CERS6: variants seen among roughly 807,000 people sequenced by gnomAD.
CERS6 encodes LAG1 homolog, ceramide synthase 6.
A neutral mutation model predicts 56.8 loss-of-function variants in CERS6; 26 were observed. The ratio of observed to expected loss-of-function variants is 0.46; its 90% confidence interval spans 0.34 to 0.63. The LOEUF (loss-of-function observed/expected upper bound fraction) is 0.63, where lower values mean the gene tolerates loss of function less well. Among genes scored for constraint, CERS6 ranks in the 30% least tolerant of loss-of-function variants. CERS6 has a pLI of 0.01. For synonymous variants in CERS6, 164 were observed against 173.3 expected (o/e 0.95, Z 0.42); for missense variants, 415 against 467.5 (o/e 0.89, Z 1.04).
At chr2:168,646,693 C>A (rs1483613809) in intron 4 of CERS6, among the ~76,000 whole-genome samples, 1 of 152,190 alleles carries the variant, frequency 6.6e-6, no homozygotes, top group Non-Finnish European at 1.5e-5. Flanking sequence ...AGTCTTTAAT[C>A]TATCTTGAGT....
intron 3 of CERS6, among the ~76,000 whole-genome samples, chr2:168,561,978 A>T (rs1199551976): frequency 6.6e-6 from 1 of 152,188 alleles, no homozygotes; most frequent in Non-Finnish European, 1.5e-5. Flanking sequence ...AAAACCAGAG[A>T]AAAATACATT....
At chr2:168,636,144 A>G (rs1053448451) in intron 4 of CERS6, among the ~76,000 whole-genome samples, 2 of 152,152 alleles carry the variant, frequency 1.3e-5, no homozygotes, top group South Asian at 2.1e-4. Context: ...CACATGATAT[A>G]TAATACTAAC....
chr2:168,457,252 C>T (rs1693687678), intron 1 of CERS6, among the ~76,000 whole-genome samples: 1 of 152,190 alleles, frequency 6.6e-6, no homozygotes, highest in South Asian at 2.1e-4. Flanking sequence ...TTAGCGGTTT[C>T]TTTAAAAGAG....
At chr2:168,630,592 A>C (rs983543003) in intron 3 of CERS6, among the ~76,000 whole-genome samples, 1 of 152,174 alleles carries the variant, frequency 6.6e-6, no homozygotes, top group Non-Finnish European at 1.5e-5. Context: ...CTTTTAAAAC[A>C]AATATGAACT....
intron 3 of CERS6, among the ~76,000 whole-genome samples, chr2:168,607,632 G>A (rs1336325100): frequency 1.3e-5 from 2 of 152,062 alleles, no homozygotes; most frequent in Non-Finnish European, 2.9e-5. Context: ...CGCCTGCCTC[G>A]GCCTTCCAAA....
chr2:168,759,732 G>T (rs1057150524), intron 8 of CERS6, among the ~76,000 whole-genome samples: 2 of 151,984 alleles, frequency 1.3e-5, no homozygotes, highest in African/African-American at 2.4e-5. Context: ...TATGTGTGTG[G>T]GGGATAAACA....
chr2:168,754,465 A>G (rs1397814431), intron 8 of CERS6, among the ~76,000 whole-genome samples: 1 of 152,204 alleles, frequency 6.6e-6, no homozygotes, highest in African/African-American at 2.4e-5. Flanking sequence ...AAGTCTCACA[A>G]CCAGGCCTGC....
At chr2:168,496,272 C>A (rs1051648122) in intron 1 of CERS6, among the ~76,000 whole-genome samples, 1 of 151,962 alleles carries the variant, frequency 6.6e-6, no homozygotes, top group African/African-American at 2.4e-5. Flanking sequence ...CATTTGATAC[C>A]TGTACAATGA....
At chr2:168,664,141 C>T (rs1004952236) in intron 4 of CERS6, among the ~76,000 whole-genome samples, 3 of 152,210 alleles carry the variant, frequency 2.0e-5, no homozygotes, top group Admixed American at 2.0e-4. Flanking sequence ...GCACACTCAG[C>T]TGCCAACTCG....
At chr2:168,743,369 T>C (rs1293570422) in intron 8 of CERS6, among the ~76,000 whole-genome samples, 2 of 152,124 alleles carry the variant, frequency 1.3e-5, no homozygotes, top group Admixed American at 6.5e-5. Flanking sequence ...GGCGCAGTGC[T>C]CACGCCTGTA....
At chr2:168,554,426 A>G (rs1035158053) in intron 2 of CERS6, among the ~76,000 whole-genome samples, 1 of 152,160 alleles carries the variant, frequency 6.6e-6, no homozygotes, top group Non-Finnish European at 1.5e-5. Flanking sequence ...TCAAAATGGG[A>G]TTATTATGGT....
intron 2 of CERS6, among the ~76,000 whole-genome samples, chr2:168,553,733 G>A (rs920317114): frequency 3.9e-5 from 6 of 152,154 alleles, no homozygotes; most frequent in Non-Finnish European, 5.9e-5. Context: ...TGGAATGTTT[G>A]TAAGTTTTGA....
At chr2:168,504,448 C>T (rs1367614538) in intron 1 of CERS6, among the ~76,000 whole-genome samples, 2 of 151,968 alleles carry the variant, frequency 1.3e-5, no homozygotes, top group African/African-American at 4.8e-5. Flanking sequence ...CTTAAATCAG[C>T]TTGTAAAATG....
At chr2:168,477,424 C>T (rs1387726736) in intron 1 of CERS6, among the ~76,000 whole-genome samples, 1 of 152,160 alleles carries the variant, frequency 6.6e-6, no homozygotes, top group Non-Finnish European at 1.5e-5. Context: ...TTTTCACTTA[C>T]TATATCTTGA....
intron 3 of CERS6, among the ~76,000 whole-genome samples, chr2:168,608,150 G>A (rs1684098808): frequency 6.6e-6 from 1 of 152,190 alleles, no homozygotes; most frequent in African/African-American, 2.4e-5. Context: ...CCCAATATGT[G>A]GTATTTGTGG....
At chr2:168,600,190 T>TCTCTC in intron 3 of CERS6, among the ~76,000 whole-genome samples, 1 of 138,024 alleles carries the variant, frequency 7.2e-6, no homozygotes, top group Non-Finnish European at 1.5e-5. Context: ...ACTACCATAT[T>TCTCTC]TCTCTCTCTC....
chr2:168,660,636 A>G (rs950288505), intron 4 of CERS6, among the ~76,000 whole-genome samples: 1 of 152,298 alleles, frequency 6.6e-6, no homozygotes, highest in African/African-American at 2.4e-5. Context: ...AACTTAAATA[A>G]CATGTCTTCT....
chr2:168,496,554 G>C (rs144206822), intron 1 of CERS6, among the ~76,000 whole-genome samples: 2 of 152,228 alleles, frequency 1.3e-5, no homozygotes, highest in Non-Finnish European at 2.9e-5. Context: ...ACAGAGTTCA[G>C]CTCTATAATT....
At chr2:168,760,947 C>T (rs1036124141) in intron 8 of CERS6, among the ~76,000 whole-genome samples, 11 of 152,076 alleles carry the variant, frequency 7.2e-5, no homozygotes, top group Admixed American at 3.3e-4. Flanking sequence ...TTAGTAGAGA[C>T]GGGGTTTCAC....
Sources: allele counts gnomAD v4.1 joint callset (sites outside exome capture counted in the v4.1 genomes callset), GRCh38; gene constraint gnomAD v4.1.1; transcripts MANE v1.5; gene names NCBI Gene and HGNC (gene_info 2026-07-23, HGNC 2026-07-21).